PCDHA3: variants seen among roughly 807,000 people sequenced by gnomAD.
PCDHA3 encodes protocadherin alpha-3.
A neutral mutation model predicts 62.2 loss-of-function variants in PCDHA3; 41 were observed. The observed-to-expected ratio is 0.66, with a 90% CI of 0.51 to 0.86. The LOEUF is 0.86. Ranked by LOEUF, PCDHA3 falls within the 40% of genes least tolerant of loss-of-function variation. PCDHA3 has a pLI of 0.00. For synonymous variants in PCDHA3, 640 were observed against 555.4 expected (o/e 1.15, Z -2.14); for missense variants, 1,304 against 1,241.2 (o/e 1.05, Z -0.76).
At chr5:140,856,946 G>A (rs372611675) in intron 1 of PCDHA3, 3 of 1,593,218 alleles carry the variant, frequency 1.9e-6, no homozygotes, top group East Asian at 2.2e-5. Context: ...AAGGACGGGA[G>A]AAATAAAAGT....
At chr5:140,983,783 G>A (rs2097068046) in intron 3 of PCDHA3, among the ~76,000 whole-genome samples, 1 of 152,130 alleles carries the variant, frequency 6.6e-6, no homozygotes, top group Non-Finnish European at 1.5e-5. Context: ...ATACATAACA[G>A]ATGACAGAAT....
chr5:140,837,239 AT>A (rs1774971058), intron 1 of PCDHA3: 1 of 152,014 alleles, frequency 6.6e-6, no homozygotes, highest in African/African-American at 2.4e-5. Flanking sequence ...TTTTACATCT[AT>A]TTATCTTCTT....
At chr5:140,842,578 G>T in intron 1 of PCDHA3, 2 of 1,515,278 alleles carry the variant, frequency 1.3e-6, no homozygotes, top group Non-Finnish European at 1.8e-6. Context: ...AGAGAGTGTC[G>T]GCCTATGAGT....
intron 1 of PCDHA3, among the ~76,000 whole-genome samples, chr5:140,943,562 T>G (rs246066): frequency 0.58 from 88,255 of 152,018 alleles, 26,572 homozygotes; most frequent in African/African-American, 0.75. Flanking sequence ...ACAATAATCA[T>G]TTTAATTTGT....
At chr5:141,008,707 T>C (rs1255261995) in intron 3 of PCDHA3, among the ~76,000 whole-genome samples, 1 of 152,216 alleles carries the variant, frequency 6.6e-6, no homozygotes, top group Non-Finnish European at 1.5e-5. Flanking sequence ...TGGTTTCTAG[T>C]TGCTTGAGTG....
intron 1 of PCDHA3, chr5:140,861,164 C>G (rs2046783856): frequency 6.4e-6 from 1 of 156,700 alleles, no homozygotes; most frequent in African/African-American, 2.4e-5. Flanking sequence ...CAAAAGGTCT[C>G]AGAGGAACTA....
rs905171455 is a variant in PCDHA3 at position 140,851,815 on chromosome 5, A to G, written c.2394+48224A>G. The G allele has an allele frequency of 3.6e-5, 34 of 956,734 alleles. 1 individual carries two copies. Among genetic ancestry groups the G allele is most frequent in the Non-Finnish European group, 5.1e-6 (4 of 790,598 alleles). The allele number at this position is 956,734 out of a possible 1,614,324, so 59.3% of individuals were successfully genotyped here. Reference sequence around the variant, plus strand: ...TTGTTCTGTCAGTAATCCATAAGACAGAAATCTGTTTTTTTAAAAATATCT... The same window carrying G: ...TTGTTCTGTCAGTAATCCATAAGACGGAAATCTGTTTTTTTAAAAATATCT... On this transcript the variant is annotated intron_variant, in intron 1 of 3. Coordinates refer to ENST00000522353, the MANE Select transcript of PCDHA3 (RefSeq NM_018906.3).
At chr5:140,895,340 A>G (rs964651163) in intron 1 of PCDHA3, among the ~76,000 whole-genome samples, 1 of 151,822 alleles carries the variant, frequency 6.6e-6, no homozygotes, top group African/African-American at 2.4e-5. Context: ...TTGTTTTACT[A>G]TGCTTTCCAG....
intron 3 of PCDHA3, among the ~76,000 whole-genome samples, chr5:141,007,925 G>T (rs2098351885): frequency 1.3e-5 from 2 of 152,138 alleles, no homozygotes; most frequent in South Asian, 4.2e-4. Context: ...ATATAAGCTG[G>T]AATTCTAAGC....
chr5:140,942,532 A>G (rs1474733493), intron 1 of PCDHA3, among the ~76,000 whole-genome samples: 2 of 152,142 alleles, frequency 1.3e-5, no homozygotes, highest in Non-Finnish European at 2.9e-5. Context: ...CAACTAACTC[A>G]GTATGGTGGG....
At chr5:140,862,839 G>A in intron 1 of PCDHA3, 1 of 574,670 alleles carries the variant, frequency 1.7e-6, no homozygotes, top group Non-Finnish European at 3.3e-6. Flanking sequence ...ACGCGGGCAT[G>A]CCGCCTCTGA....
chr5:140,923,573 A>C (rs1180737452), intron 1 of PCDHA3, among the ~76,000 whole-genome samples: 2 of 152,214 alleles, frequency 1.3e-5, no homozygotes, highest in African/African-American at 4.8e-5. Flanking sequence ...GGTCCTGCTA[A>C]AGAGAAGGTT....
intron 1 of PCDHA3, chr5:140,929,432 T>C: frequency 1.4e-6 from 2 of 1,474,372 alleles, no homozygotes; most frequent in Non-Finnish European, 1.8e-6. Flanking sequence ...TCAATTGAAC[T>C]AAACACTCCT....
At chr5:140,879,141 G>C (rs1413837977) in intron 1 of PCDHA3, among the ~76,000 whole-genome samples, 2 of 152,192 alleles carry the variant, frequency 1.3e-5, no homozygotes, top group Non-Finnish European at 2.9e-5. Context: ...GATTGTGAAG[G>C]CAGGAAAGCT....
At chr5:140,930,649 G>A (rs1300720133) in intron 1 of PCDHA3, among the ~76,000 whole-genome samples, 1 of 152,156 alleles carries the variant, frequency 6.6e-6, no homozygotes, top group Non-Finnish European at 1.5e-5. Context: ...GGAAAATGAA[G>A]CATTCCTTGT....
intron 1 of PCDHA3, chr5:140,842,837 A>G: frequency 6.3e-7 from 1 of 1,593,660 alleles, no homozygotes; most frequent in South Asian, 1.1e-5. Context: ...CTCGCTGTCG[A>G]GCTACATTTC....
intron 1 of PCDHA3, chr5:140,878,055 C>T: frequency 2.2e-6 from 1 of 449,762 alleles, no homozygotes; most frequent in Non-Finnish European, 3.6e-6. Context: ...GAGCACCACA[C>T]TTAATATTTT....
intron 1 of PCDHA3, chr5:140,876,448 G>C (rs2056350590): frequency 1.2e-6 from 2 of 1,614,008 alleles, no homozygotes; most frequent in East Asian, 4.5e-5. Flanking sequence ...CATTGATAAA[G>C]GGATTCCTTC....
intron 1 of PCDHA3, chr5:140,870,624 G>T (rs1554164487): frequency 1.2e-6 from 2 of 1,613,112 alleles, no homozygotes; most frequent in South Asian, 2.2e-5. Flanking sequence ...CGAGCTACGT[G>T]TCGGTGCACG....
Sources: gnomAD v4.1 joint callset for allele counts (sites outside exome capture counted in the v4.1 genomes callset) on GRCh38, gnomAD v4.1.1 for gene constraint, MANE v1.5 for transcripts, NCBI Gene and HGNC (gene_info 2026-07-23, HGNC 2026-07-21) for gene names.